RBMS2: variants seen among roughly 807,000 people sequenced by gnomAD.
RBMS2 encodes RNA binding motif single stranded interacting protein 2, also known as RNA-binding motif, single-stranded-interacting protein 2.
A neutral mutation model predicts 58.4 loss-of-function variants in RBMS2; 38 were observed. The observed-to-expected ratio is 0.65, with a 90% CI of 0.50 to 0.85. RBMS2 has a LOEUF of 0.85. RBMS2 is among the 40% of genes least tolerant of loss of function. The probability of loss-of-function intolerance (pLI) is 0.00; values close to 1 mark genes in which losing one functional copy is unlikely to be tolerated. For synonymous variants in RBMS2, 151 were observed against 180.7 expected (o/e 0.84, Z 1.32); for missense variants, 367 against 503.7 (o/e 0.73, Z 2.60).
At chr12:56,555,468 A>T (rs1879073294) in intron 1 of RBMS2, among the ~76,000 whole-genome samples, 1 of 150,398 alleles carries the variant, frequency 6.6e-6, no homozygotes, top group African/African-American at 2.4e-5. Context: ...GAAGAAGAAG[A>T]CCTTGGCCAG....
At chr12:56,541,208 T>TA (rs1171919190) in intron 1 of RBMS2, among the ~76,000 whole-genome samples, 1 of 152,152 alleles carries the variant, frequency 6.6e-6, no homozygotes. Context: ...AAATACTTTT[T>TA]AAAAAATTGA....
chr12:56,548,967 T>A (rs1266636243), intron 1 of RBMS2, among the ~76,000 whole-genome samples: 1 of 152,146 alleles, frequency 6.6e-6, no homozygotes, highest in South Asian at 2.1e-4. Flanking sequence ...AATGAGCACT[T>A]GATCGGAGAG....
Position 56,561,765 on chromosome 12 carries a change from C to A in RBMS2, c.67-652C>A, listed in dbSNP as rs540390511. Among the ~76,000 whole-genome samples the A allele has an allele frequency of 7.2e-4, 46 of 63,520 alleles. 1 individual carries two copies. Among genetic ancestry groups the A allele is most frequent in the African/African-American group, 2.3e-3 (44 of 19,516 alleles). The allele number at this position is 63,520 out of a possible 152,430, so 41.7% of individuals were successfully genotyped here. A position where few individuals can be genotyped will look rare whatever the true frequency, so the allele number is the denominator to read the frequency against. On this transcript the variant is annotated intron_variant, in intron 1 of 13. Coordinates refer to ENST00000262031, the MANE Select transcript of RBMS2 (RefSeq NM_002898.4). ...CTCCTGACCTCGTGATCCACCCCCC[C>A]CCTCCTTGGCCTCCCAAAGTGCTGG... is the stretch of plus-strand genomic sequence containing the variant.
chr12:56,592,391 T>C lies in RBMS2; in HGVS notation c.*3258T>C, dbSNP rs1885364458. The C allele has an allele frequency of 6.6e-6, 1 of 152,260 alleles. No individual in the cohort carries two copies. Among genetic ancestry groups the C allele is most frequent in the Non-Finnish European group, 1.5e-5 (1 of 68,056 alleles). 9.4% of individuals were successfully genotyped at this position (152,260 alleles called of 1,614,324 possible). A position where few individuals can be genotyped will look rare whatever the true frequency, so the allele number is the denominator to read the frequency against. On this transcript the variant is annotated 3_prime_UTR_variant, in exon 14 of 14. Coordinates refer to ENST00000262031, the MANE Select transcript of RBMS2 (RefSeq NM_002898.4). ...GCCTAGCCATCTCCTATCGGTGTTA[T>C]TACTCCTCATCTCAGGCTCTGAGAT...
At chr12:56,545,289 C>A (rs1876957396) in intron 1 of RBMS2, among the ~76,000 whole-genome samples, 1 of 152,018 alleles carries the variant, frequency 6.6e-6, no homozygotes. Flanking sequence ...GTATATACAC[C>A]ACATTTGCTT....
intron 11 of RBMS2, 134 bp downstream of exon 11, chr12:56,587,798 C>G: frequency 7.7e-7 from 1 of 1,306,970 alleles, no homozygotes; most frequent in Middle Eastern, 1.9e-4. Context: ...CAGAACAGGA[C>G]ATAAACTACA....
At chr12:56,561,219 C>T (rs1242733133) in intron 1 of RBMS2, among the ~76,000 whole-genome samples, 1 of 152,032 alleles carries the variant, frequency 6.6e-6, no homozygotes, top group Non-Finnish European at 1.5e-5. Context: ...AGTGCTGCAG[C>T]GAACATACAC....
chr12:56,539,342 T>C (rs1470894067), intron 1 of RBMS2, among the ~76,000 whole-genome samples: 3 of 152,140 alleles, frequency 2.0e-5, no homozygotes, highest in Non-Finnish European at 4.4e-5. Context: ...TATAAGTCTA[T>C]GTTTGTGTAT....
chr12:56,544,690 G>A (rs904380380), intron 1 of RBMS2, among the ~76,000 whole-genome samples: 1 of 151,514 alleles, frequency 6.6e-6, no homozygotes, highest in Non-Finnish European at 1.5e-5. Flanking sequence ...CAAGTTTAGT[G>A]ATCTTCCCAC....
chr12:56,581,570 T>C (rs985402824), intron 7 of RBMS2, 62 bp downstream of exon 7: 2 of 1,496,732 alleles, frequency 1.3e-6, no homozygotes, highest in African/African-American at 2.8e-5. Flanking sequence ...GAAATGATCA[T>C]GGCATGATTT....
At chr12:56,535,626 A>G (rs1874644567) in intron 1 of RBMS2, among the ~76,000 whole-genome samples, 1 of 152,076 alleles carries the variant, frequency 6.6e-6, no homozygotes, top group Non-Finnish European at 1.5e-5. Flanking sequence ...TATATTTAAC[A>G]TTACACCTGA....
At chr12:56,531,638 C>T (rs1052619468) in intron 1 of RBMS2, among the ~76,000 whole-genome samples, 1 of 151,034 alleles carries the variant, frequency 6.6e-6, no homozygotes, top group African/African-American at 2.4e-5. Context: ...CCAGCCTGGC[C>T]AACATAGTGA....
intron 8 of RBMS2, 26 bp from the exon 9 acceptor site, chr12:56,582,033 G>A (rs1425158594): frequency 1.9e-6 from 3 of 1,581,046 alleles, no homozygotes; most frequent in South Asian, 1.1e-5. Flanking sequence ...CTGTGACTCA[G>A]TACTGATTGA....
At chr12:56,555,834 C>T (rs1476519372) in intron 1 of RBMS2, among the ~76,000 whole-genome samples, 29 of 151,938 alleles carry the variant, frequency 1.9e-4, no homozygotes, top group Admixed American at 1.7e-3. Flanking sequence ...CAAACAGTCC[C>T]CTCACTCAGC....
At chr12:56,524,533 G>A (rs1872302756) in intron 1 of RBMS2, among the ~76,000 whole-genome samples, 2 of 149,684 alleles carry the variant, frequency 1.3e-5, no homozygotes, top group African/African-American at 4.9e-5. Flanking sequence ...TTCTGCCTCA[G>A]CCTCACAAGT....
At chr12:56,588,151 T>G in intron 11 of RBMS2, 143 bp from the exon 12 acceptor site, 1 of 673,724 alleles carries the variant, frequency 1.5e-6, no homozygotes, top group Non-Finnish European at 2.5e-6. Context: ...CCTGAAGTGC[T>G]TTTAAGATGC....
Position 56,571,688 on chromosome 12 carries a change from A to G in RBMS2, c.385-10A>G, listed in dbSNP as rs1013657671. 6 of 1,528,152 alleles carry G rather than the reference A, an allele frequency of 3.9e-6. No homozygotes were observed. The African/African-American group carries it at 5.6e-5, about 14-fold the overall frequency. The allele number at this position is 1,528,152 out of a possible 1,614,324, so 94.7% of individuals were successfully genotyped here. Reference sequence around the variant, plus strand: ...ATGTGAGCCTCATTTTCTCACTGTTATTTCCACAGCAACAGGAACAGGACC... The same window carrying G: ...ATGTGAGCCTCATTTTCTCACTGTTGTTTCCACAGCAACAGGAACAGGACC... On this transcript the variant is annotated splice_polypyrimidine_tract_variant and intron_variant, in intron 4 of 13. Transcript: ENST00000262031.
Position 56,524,868 on chromosome 12 carries a change from C to G in RBMS2, c.66+2779C>G, listed in dbSNP as rs1479470687. On this transcript the variant is annotated intron_variant, in intron 1 of 13. Coordinates refer to ENST00000262031, the MANE Select transcript of RBMS2 (RefSeq NM_002898.4). ...CTGACTAGTTGGGATTACAGGTGCCCGCCACCACGCCCAGCTAATTTTTTT... is the reference window on the plus strand; with the variant it reads ...CTGACTAGTTGGGATTACAGGTGCCGGCCACCACGCCCAGCTAATTTTTTT... Among the ~76,000 whole-genome samples, 5 of 151,250 alleles carry G rather than the reference C, an allele frequency of 3.3e-5. No homozygotes were observed. In the East Asian group the frequency reaches 9.8e-4, roughly 30 times the overall value.
intron 1 of RBMS2, chr12:56,539,554 T>C (rs577800174): frequency 2.9e-6 from 1 of 340,780 alleles, no homozygotes; most frequent in Admixed American, 4.0e-5. Context: ...CTATATAATA[T>C]GCTATGATAA....
Sources: allele counts gnomAD v4.1 joint callset (sites outside exome capture counted in the v4.1 genomes callset), GRCh38; gene constraint gnomAD v4.1.1; transcripts MANE v1.5; gene names NCBI Gene and HGNC (gene_info 2026-07-23, HGNC 2026-07-21).